Variants in DLG2 observed in about 807,000 individuals in gnomAD.
DLG2 encodes disks large homolog 2.
Under a neutral mutation model 132.5 loss-of-function variants are expected in DLG2, and 45 were observed. That is an observed-to-expected ratio of 0.34 (90% CI 0.27 to 0.44). DLG2 has a LOEUF of 0.44. Among genes scored for constraint, DLG2 ranks in the 20% least tolerant of loss-of-function variants. DLG2 has a pLI of 1.00. For synonymous variants in DLG2, 424 were observed against 419.6 expected, an observed-to-expected ratio of 1.01 and a Z score of -0.13; for missense variants, 1,045 against 1,196.9, an observed-to-expected ratio of 0.87 and a Z score of 1.87.
At chr11:84,324,550 A>G (rs1168945664) in intron 7 of DLG2, among the ~76,000 whole-genome samples, 1 of 151,836 alleles carries the variant, frequency 6.6e-6, no homozygotes, top group African/African-American at 2.4e-5. Context: ...GTTCCATATG[A>G]TTTTTTTTAA....
chr11:85,333,688 T>C (rs910704951), intron 3 of DLG2, among the ~76,000 whole-genome samples: 8 of 152,228 alleles, frequency 5.3e-5, no homozygotes, highest in African/African-American at 7.2e-5. Flanking sequence ...GAGATGCTCA[T>C]GTGGTTTTTG....
At chr11:85,461,190 C>A (rs2092599111) in intron 3 of DLG2, among the ~76,000 whole-genome samples, 1 of 152,176 alleles carries the variant, frequency 6.6e-6, no homozygotes, top group Admixed American at 6.5e-5. Context: ...ATATTAACAT[C>A]ATTTCTTCCT....
At chr11:84,920,790 A>G (rs1413674646) in intron 6 of DLG2, among the ~76,000 whole-genome samples, 7 of 152,186 alleles carry the variant, frequency 4.6e-5, no homozygotes, top group Non-Finnish European at 1.0e-4. Context: ...ATCTTAAAAC[A>G]TACCACTCTC....
intron 18 of DLG2, among the ~76,000 whole-genome samples, chr11:83,700,788 C>T (rs1447931619): frequency 2.0e-5 from 3 of 151,904 alleles, no homozygotes; most frequent in African/African-American, 4.8e-5. Context: ...AATTGATAAT[C>T]TACATTTTTT....
At chr11:84,581,932 G>C (rs965970387) in intron 6 of DLG2, among the ~76,000 whole-genome samples, 1 of 135,642 alleles carries the variant, frequency 7.4e-6, no homozygotes, top group African/African-American at 2.7e-5. Flanking sequence ...AAAAAAAAAA[G>C]AAAGGAAAGA....
At chr11:85,060,058 G>C (rs762644007) in intron 6 of DLG2, among the ~76,000 whole-genome samples, 1 of 151,320 alleles carries the variant, frequency 6.6e-6, no homozygotes, top group Admixed American at 6.6e-5. Context: ...TTTTCACCTT[G>C]CATGACAAAC....
intron 6 of DLG2, among the ~76,000 whole-genome samples, chr11:84,784,164 A>AG (rs2072373345): frequency 6.9e-6 from 1 of 144,932 alleles, no homozygotes; most frequent in Non-Finnish European, 1.5e-5. Context: ...AAAAAAAAAA[A>AG]AAAAAAAGCT....
intron 7 of DLG2, among the ~76,000 whole-genome samples, chr11:84,472,491 A>G (rs1353300551): frequency 2.6e-5 from 4 of 152,006 alleles, no homozygotes; most frequent in Non-Finnish European, 5.9e-5. Context: ...TTATAAGACT[A>G]TAAACCCAGC....
chr11:85,180,623 A>G (rs1245728241), intron 4 of DLG2, among the ~76,000 whole-genome samples: 1 of 151,898 alleles, frequency 6.6e-6, no homozygotes, highest in Non-Finnish European at 1.5e-5. Context: ...TTCAAAAGAA[A>G]CCTGAAAATA....
chr11:84,746,719 A>C (rs149167312), intron 6 of DLG2, among the ~76,000 whole-genome samples: 1 of 152,234 alleles, frequency 6.6e-6, no homozygotes, highest in Non-Finnish European at 1.5e-5. Flanking sequence ...AGAAAAGACA[A>C]TAATTCAAAC....
chr11:84,598,257 G>C (rs1565413256), intron 6 of DLG2, among the ~76,000 whole-genome samples: 1 of 152,144 alleles, frequency 6.6e-6, no homozygotes, highest in African/African-American at 2.4e-5. Flanking sequence ...CAGGATCTAG[G>C]TGTAGATTAC....
At chr11:84,328,006 G>A (rs1466892846) in intron 7 of DLG2, among the ~76,000 whole-genome samples, 2 of 152,114 alleles carry the variant, frequency 1.3e-5, no homozygotes, top group South Asian at 2.1e-4. Flanking sequence ...CATCCTGGGT[G>A]TATTGTTTCC....
intron 6 of DLG2, among the ~76,000 whole-genome samples, chr11:84,893,627 A>G (rs1030695131): frequency 1.3e-5 from 2 of 152,160 alleles, no homozygotes; most frequent in Non-Finnish European, 2.9e-5. Flanking sequence ...TTGAAAAAAT[A>G]TTTGTTAAAG....
chr11:83,666,995 G>A (rs78027760), intron 18 of DLG2, among the ~76,000 whole-genome samples: 4,254 of 152,204 alleles, frequency 0.028, 197 homozygotes, highest in African/African-American at 0.097. Flanking sequence ...GGCATACACC[G>A]GAACTGGCCT....
chr11:85,585,889 T>C (rs2078935428), intron 3 of DLG2, among the ~76,000 whole-genome samples: 2 of 151,978 alleles, frequency 1.3e-5, no homozygotes, highest in Admixed American at 1.3e-4. Context: ...AATTTTTTTG[T>C]ATATGTTTTT....
chr11:84,312,348 G>A lies in DLG2; in HGVS notation c.520-61057C>T, dbSNP rs1225831759. Among the ~76,000 whole-genome samples, 20 of 152,192 alleles carry A rather than the reference G, an allele frequency of 1.3e-4. No homozygotes were observed. In the East Asian group the frequency reaches 2.1e-3, roughly 16 times the overall value. On this transcript the variant is annotated intron_variant, in intron 7 of 27. Coordinates refer to ENST00000376104, the MANE Select transcript of DLG2 (RefSeq NM_001142699.3). ...AAAGAAAGTAGCCAGGCCTGGTGGCGCGTGCCTGTAGTCCCAACTACTCAG... is the reference window on the plus strand; with the variant it reads ...AAAGAAAGTAGCCAGGCCTGGTGGCACGTGCCTGTAGTCCCAACTACTCAG...
intron 5 of DLG2, among the ~76,000 whole-genome samples, chr11:85,124,783 T>C (rs1008107898): frequency 6.6e-6 from 1 of 152,218 alleles, no homozygotes; most frequent in African/African-American, 2.4e-5. Flanking sequence ...AATTCTTTTT[T>C]GTACATCATG....
At chr11:84,767,943 G>A (rs80278739) in intron 6 of DLG2, among the ~76,000 whole-genome samples, 1,727 of 152,148 alleles carry the variant, frequency 0.011, 36 homozygotes, top group African/African-American at 0.039. Context: ...GAAATCTAGT[G>A]CAAGGCAGAC....
intron 8 of DLG2, among the ~76,000 whole-genome samples, chr11:84,208,408 A>G (rs989754184): frequency 4.7e-5 from 7 of 150,294 alleles, no homozygotes; most frequent in Non-Finnish European, 8.8e-5. Flanking sequence ...CAGTGGTGCA[A>G]TCTCAGCCTA....
Sources: allele counts gnomAD v4.1 joint callset (sites outside exome capture counted in the v4.1 genomes callset), GRCh38; gene constraint gnomAD v4.1.1; transcripts MANE v1.5; gene names NCBI Gene and HGNC (gene_info 2026-07-23, HGNC 2026-07-21).